Variants in PRKN observed in about 807,000 individuals in gnomAD.
The protein encoded by PRKN is parkin RBR E3 ubiquitin protein ligase, also known as E3 ubiquitin-protein ligase parkin.
A neutral mutation model predicts 59.5 loss-of-function variants in PRKN; 56 were observed. The observed-to-expected ratio is 0.94, with a 90% CI of 0.76 to 1.18. PRKN has a LOEUF of 1.18. Ranked by LOEUF, PRKN falls within the 50% of genes most tolerant of loss-of-function variation. The pLI, the probability that PRKN is intolerant of heterozygous loss-of-function variation, is 0.00. For synonymous variants in PRKN, 250 were observed against 222.1 expected (o/e 1.13, Z -1.12); for missense variants, 657 against 596.4 (o/e 1.10, Z -1.06).
intron 5 of PRKN, among the ~76,000 whole-genome samples, chr6:162,042,690 A>G (rs987342724): frequency 6.6e-6 from 1 of 152,096 alleles, no homozygotes; most frequent in African/African-American, 2.4e-5. Flanking sequence ...AATTAATACT[A>G]CTCACTATTA....
intron 7 of PRKN, among the ~76,000 whole-genome samples, chr6:161,608,508 A>T (rs1366990192): frequency 6.6e-6 from 1 of 152,054 alleles, no homozygotes; most frequent in Non-Finnish European, 1.5e-5. Context: ...AAAGTAAGAA[A>T]AAAATAGCTG....
intron 5 of PRKN, among the ~76,000 whole-genome samples, chr6:162,036,545 A>G (rs1783857795): frequency 6.6e-6 from 1 of 151,120 alleles, no homozygotes; most frequent in South Asian, 2.1e-4. Flanking sequence ...ACGCTCGGCT[A>G]ATTTTTTGTA....
intron 2 of PRKN, among the ~76,000 whole-genome samples, chr6:162,391,982 T>C (rs1442142931): frequency 1.3e-5 from 2 of 152,190 alleles, no homozygotes; most frequent in African/African-American, 2.4e-5. Context: ...ATCTTTATGA[T>C]ATTGTCCTAT....
At chr6:162,159,854 C>T (rs1323332986) in intron 4 of PRKN, among the ~76,000 whole-genome samples, 2 of 152,106 alleles carry the variant, frequency 1.3e-5, no homozygotes, top group Non-Finnish European at 2.9e-5. Flanking sequence ...GGAGAATGGA[C>T]AATATTTTCA....
rs192002484 is a variant in PRKN, at chr6:161,549,290, A to G, written c.934-287T>C. Among the ~76,000 whole-genome samples, 1 of 152,284 alleles carries G rather than the reference A, an allele frequency of 6.6e-6. No homozygotes were observed. The highest frequency in any genetic ancestry group is 1.5e-5 in the Non-Finnish European group (1 of 68,004). On this transcript the variant is annotated intron_variant, in intron 8 of 11. Transcript: ENST00000366898. The surrounding 1 kb of genome is among the most constrained non-coding windows in gnomAD (Gnocchi z 6.0). The stretch of plus-strand genomic sequence containing the variant: ...GAAAATAGATTTTCCAAAGTTTTGT[A>G]TTTTATAAGATCGCTTCTACCAACT...
chr6:162,018,787 A>C (rs1045002811), intron 5 of PRKN, among the ~76,000 whole-genome samples: 1 of 152,172 alleles, frequency 6.6e-6, no homozygotes, highest in Non-Finnish European at 1.5e-5. Flanking sequence ...TAAATCCTAC[A>C]TGAGTGGGCT....
At chr6:161,534,671 C>T (rs1348973586) in intron 9 of PRKN, among the ~76,000 whole-genome samples, 2 of 152,202 alleles carry the variant, frequency 1.3e-5, no homozygotes, top group Admixed American at 6.5e-5. Flanking sequence ...CATTAGATGA[C>T]GTGTTTCTTC....
intron 2 of PRKN, among the ~76,000 whole-genome samples, chr6:162,314,641 G>A (rs564912873): frequency 6.6e-6 from 1 of 152,222 alleles, no homozygotes; most frequent in African/African-American, 2.4e-5. Context: ...ACATTAGTGT[G>A]TTAACACCCC....
chr6:162,398,352 G>T lies in PRKN; in HGVS notation c.171+44958C>A, dbSNP rs116799633. Among the ~76,000 whole-genome samples, 1,006 of 151,378 alleles carry T rather than the reference G, an allele frequency of 6.6e-3. 8 individuals carry two copies. Among genetic ancestry groups the T allele is most frequent in the Middle Eastern group, 0.014 (4 of 290 alleles). ...AAATGAATATCAACACAAATTTGCT[G>T]TTATAAAGAGTAAGACAACTTCAGC... On this transcript the variant is annotated intron_variant, in intron 2 of 11. Transcript: ENST00000366898.
intron 2 of PRKN, among the ~76,000 whole-genome samples, chr6:162,309,730 T>C (rs1382017729): frequency 6.6e-6 from 1 of 152,214 alleles, no homozygotes; most frequent in African/African-American, 2.4e-5. Flanking sequence ...AGCTCAAAGG[T>C]ACATGTGCAG....
intron 11 of PRKN, among the ~76,000 whole-genome samples, chr6:161,351,449 C>G (rs373953314): frequency 1.3e-5 from 2 of 151,650 alleles, no homozygotes; most frequent in African/African-American, 4.8e-5. Flanking sequence ...CTCAGCCTCC[C>G]GAGTAGCTGG....
At chr6:162,475,243 C>T (rs1791945117) in intron 1 of PRKN, among the ~76,000 whole-genome samples, 1 of 152,172 alleles carries the variant, frequency 6.6e-6, no homozygotes, top group Non-Finnish European at 1.5e-5. Flanking sequence ...TGATCTTGGT[C>T]AACAAGGCTA....
intron 1 of PRKN, among the ~76,000 whole-genome samples, chr6:162,450,107 G>T (rs191647976): frequency 1.8e-4 from 27 of 152,284 alleles, no homozygotes; most frequent in Admixed American, 5.2e-4. Context: ...GTCAGAAAGA[G>T]AAACCCAAAT....
At chr6:161,869,271 C>G (rs188356499) in intron 6 of PRKN, among the ~76,000 whole-genome samples, 1 of 152,136 alleles carries the variant, frequency 6.6e-6, no homozygotes, top group African/African-American at 2.4e-5. Flanking sequence ...CCCAGCTACT[C>G]ATGAGTCTGA....
chr6:162,726,355 A>G (rs1779187241), intron 1 of PRKN, among the ~76,000 whole-genome samples: 1 of 152,218 alleles, frequency 6.6e-6, no homozygotes, highest in Non-Finnish European at 1.5e-5. Flanking sequence ...TGGTTTTCTG[A>G]TTCAGTTCAA....
intron 4 of PRKN, among the ~76,000 whole-genome samples, chr6:162,132,774 CT>C (rs1781416605): frequency 6.6e-6 from 1 of 152,038 alleles, no homozygotes; most frequent in Non-Finnish European, 1.5e-5. Context: ...CTGATAAGTG[CT>C]GTGGACAAAA....
chr6:162,246,505 G>A (rs1201401601), intron 3 of PRKN, among the ~76,000 whole-genome samples: 1 of 152,110 alleles, frequency 6.6e-6, no homozygotes, highest in Non-Finnish European at 1.5e-5. Context: ...CAAACTCTGA[G>A]TACTTCAAGT....
chr6:161,914,308 G>A (rs1401254407), intron 6 of PRKN, among the ~76,000 whole-genome samples: 1 of 152,142 alleles, frequency 6.6e-6, no homozygotes, highest in Non-Finnish European at 1.5e-5. Context: ...AGAATTTACT[G>A]TAGGATTCTA....
At position 161,401,922 on chromosome 6, in the gene PRKN, G is replaced by T. The variant is rs1034279524; in HGVS notation, c.1084-15045C>A. ...TTGTTCACACACCAATCTCTGGAGC[G>T]GAAGCCGTTAATGCTTCTACTTATA... On this transcript the variant is annotated intron_variant, in intron 9 of 11. Coordinates refer to ENST00000366898, the MANE Select transcript of PRKN (RefSeq NM_004562.3). This position sits in a 1 kb window ranked among gnomAD's most constrained non-coding sequence, Gnocchi z 4.4. Among the ~76,000 whole-genome samples the T allele has an allele frequency of 6.6e-6, 1 of 152,168 alleles. No individual in the cohort carries two copies. Among genetic ancestry groups the T allele is most frequent in the Admixed American group, 6.6e-5 (1 of 15,262 alleles).
Sources: allele counts gnomAD v4.1 joint callset (sites outside exome capture counted in the v4.1 genomes callset), GRCh38; gene constraint gnomAD v4.1.1; non-coding constraint Gnocchi (gnomAD v3.1); transcripts MANE v1.5; gene names NCBI Gene and HGNC (gene_info 2026-07-23, HGNC 2026-07-21).